Variants in MTHFD2L observed in about 807,000 individuals in gnomAD.
MTHFD2L encodes the protein methylenetetrahydrofolate dehydrogenase (NADP+ dependent) 2 like.
In MTHFD2L, 29 loss-of-function variants were observed where a neutral mutation model predicts 34.9. The ratio of observed to expected loss-of-function variants is 0.83; its 90% confidence interval spans 0.62 to 1.13. MTHFD2L has a LOEUF of 1.13. Among genes scored for constraint, MTHFD2L ranks in the 50% most tolerant of loss-of-function variants. The pLI is 0.00. For synonymous variants in MTHFD2L, 167 were observed against 155.7 expected (o/e 1.07, Z -0.54); for missense variants, 481 against 446.5 (o/e 1.08, Z -0.70).
At chr4:74,135,580 A>G (rs1722846852) in intron 1 of MTHFD2L, among the ~76,000 whole-genome samples, 1 of 152,172 alleles carries the variant, frequency 6.6e-6, no homozygotes, top group Non-Finnish European at 1.5e-5. Flanking sequence ...CATTTAAAGA[A>G]CTAATACCAA....
At chr4:74,255,607 A>G (rs1474269635) in intron 6 of MTHFD2L, among the ~76,000 whole-genome samples, 1 of 152,166 alleles carries the variant, frequency 6.6e-6, no homozygotes. Flanking sequence ...TAGTGAGCAT[A>G]GTACCAATAG....
At chr4:74,148,989 A>C (rs1325169980) in intron 1 of MTHFD2L, among the ~76,000 whole-genome samples, 6 of 151,790 alleles carry the variant, frequency 4.0e-5, no homozygotes, top group Non-Finnish European at 5.9e-5. Context: ...GTGTGAGAGA[A>C]GGGGAAACCC....
intron 5 of MTHFD2L, among the ~76,000 whole-genome samples, chr4:74,222,801 T>A (rs1354674407): frequency 2.0e-5 from 3 of 152,128 alleles, no homozygotes; most frequent in African/African-American, 7.2e-5. Context: ...ACTTTTAATC[T>A]TGGAGGCAGA....
At chr4:74,187,534 G>A (rs748676808) in intron 3 of MTHFD2L, among the ~76,000 whole-genome samples, 23 of 152,130 alleles carry the variant, frequency 1.5e-4, no homozygotes, top group South Asian at 8.3e-4. Context: ...TAGTCATTAG[G>A]GAAATTCAAA....
chr4:74,244,796 A>G (rs56006412), intron 6 of MTHFD2L, among the ~76,000 whole-genome samples: 3,488 of 152,276 alleles, frequency 0.023, 119 homozygotes, highest in African/African-American at 0.078. Context: ...GTTTTGGTAT[A>G]GAATCAAAGA....
chr4:74,162,948 T>C (rs1578297648), intron 1 of MTHFD2L, among the ~76,000 whole-genome samples: 1 of 152,220 alleles, frequency 6.6e-6, no homozygotes, highest in Non-Finnish European at 1.5e-5. Context: ...TAATTTTGCA[T>C]GTAAATTTTA....
intron 6 of MTHFD2L, among the ~76,000 whole-genome samples, chr4:74,276,012 G>A (rs1746600081): frequency 1.3e-5 from 2 of 152,022 alleles, no homozygotes; most frequent in Admixed American, 1.3e-4. Flanking sequence ...TTCATTGTAA[G>A]TCTTTGTCCA....
intron 6 of MTHFD2L, among the ~76,000 whole-genome samples, chr4:74,249,037 G>T (rs1382449150): frequency 3.3e-5 from 5 of 152,170 alleles, no homozygotes; most frequent in Non-Finnish European, 7.3e-5. Context: ...GGGTATCCTT[G>T]TTAACTTTCT....
Position 74,301,809 on chromosome 4 carries a change from G to T in MTHFD2L, c.1044G>T (p.Ter348TyrextTer3). Residue 348 changes from the stop codon to tyrosine (Y), a stop_lost, in exon 8 of 8, where the codon TAG (stop) becomes TAT (tyrosine). Transcript: ENST00000325278. ...TLLAAKKIIY[*>Y] ...TGGCAGCTAAAAAAATCATTTACTA[G>T]ATCACATGAAAGGATAAAGCAAACT... The T allele has an allele frequency of 6.3e-7, 1 of 1,590,216 alleles. No homozygotes were observed. The highest frequency in any genetic ancestry group is 8.6e-7 in the Non-Finnish European group (1 of 1,162,750).
chr4:74,226,490 A>G (rs987410755), intron 6 of MTHFD2L, among the ~76,000 whole-genome samples: 1 of 152,192 alleles, frequency 6.6e-6, no homozygotes, highest in Non-Finnish European at 1.5e-5. Flanking sequence ...ATTATATTTC[A>G]TAAGATTAAA....
chr4:74,172,168 A>G lies in MTHFD2L; in HGVS notation c.144-2338A>G, dbSNP rs372399301. Among the ~76,000 whole-genome samples, 62 of 152,318 alleles carry G rather than the reference A, an allele frequency of 4.1e-4. 1 individual carries two copies. In the South Asian group the frequency reaches 4.3e-3, roughly 11 times the overall value. On this transcript the variant is annotated intron_variant, in intron 1 of 7. Transcript: ENST00000325278. ...AATGGTTGCCTGGAATGGTGAATTG[A>G]GGAGTGGAATCTGGCAGAGACAGGT...
intron 6 of MTHFD2L, among the ~76,000 whole-genome samples, chr4:74,249,337 G>T (rs1742974514): frequency 6.6e-6 from 1 of 152,020 alleles, no homozygotes; most frequent in South Asian, 2.1e-4. Flanking sequence ...TTGCTTGGAA[G>T]ATCTTCCTCC....
At chr4:74,173,226 A>G (rs573026269) in intron 1 of MTHFD2L, among the ~76,000 whole-genome samples, 3 of 152,324 alleles carry the variant, frequency 2.0e-5, no homozygotes, top group South Asian at 4.1e-4. Flanking sequence ...ACACAGTAAG[A>G]GCAATGTAAT....
chr4:74,117,824 C>T (rs1400976575), intron 2 of MTHFD2L, among the ~76,000 whole-genome samples: 2 of 152,196 alleles, frequency 1.3e-5, no homozygotes, highest in African/African-American at 2.4e-5. Flanking sequence ...GAACTCTATG[C>T]TCAACCCTAA....
chr4:74,198,055 C>A (rs2110045140), intron 3 of MTHFD2L, among the ~76,000 whole-genome samples: 1 of 152,102 alleles, frequency 6.6e-6, no homozygotes, highest in East Asian at 1.9e-4. Flanking sequence ...TTTTGTATGT[C>A]CATTCATCTG....
intron 3 of MTHFD2L, among the ~76,000 whole-genome samples, chr4:74,191,720 T>A (rs1329629564): frequency 6.6e-6 from 1 of 151,870 alleles, no homozygotes; most frequent in Non-Finnish European, 1.5e-5. Context: ...CCAGGTAATT[T>A]TTTGTATTTT....
chr4:74,123,212 A>T (rs1473583558), upstream of MTHFD2L: 1 of 152,202 alleles, frequency 6.6e-6, no homozygotes, highest in Non-Finnish European at 1.5e-5. Flanking sequence ...TGCAAGGATG[A>T]GTAGCCACAC....
At chr4:74,257,489 A>G (rs1744172722) in intron 6 of MTHFD2L, among the ~76,000 whole-genome samples, 1 of 152,216 alleles carries the variant, frequency 6.6e-6, no homozygotes, top group Non-Finnish European at 1.5e-5. Context: ...TATCTTAATA[A>G]CAGACAAAAT....
intron 1 of MTHFD2L, among the ~76,000 whole-genome samples, chr4:74,134,622 A>T (rs1722777029): frequency 6.6e-6 from 1 of 152,118 alleles, no homozygotes; most frequent in South Asian, 2.1e-4. Context: ...TAGACAAAGC[A>T]AAGTTCCAGC....
Sources: allele counts gnomAD v4.1 joint callset (sites outside exome capture counted in the v4.1 genomes callset), GRCh38; gene constraint gnomAD v4.1.1; transcripts MANE v1.5; gene names NCBI Gene and HGNC (gene_info 2026-07-23, HGNC 2026-07-21).